Variants in FBXO34 observed in about 807,000 individuals in gnomAD.
The protein encoded by FBXO34 is F-box only protein 34.
A neutral mutation model predicts 24.5 loss-of-function variants in FBXO34; 12 were observed. The observed-to-expected ratio is 0.49, with a 90% CI of 0.31 to 0.79. FBXO34 has a LOEUF of 0.79. Among genes scored for constraint, FBXO34 ranks in the 30% least tolerant of loss-of-function variants. The probability of loss-of-function intolerance (pLI) is 0.04; values close to 1 mark genes in which losing one functional copy is unlikely to be tolerated. For missense variants in FBXO34, 823 were observed against 857.7 expected, an observed-to-expected ratio of 0.96 and a Z score of 0.51; for synonymous variants, 320 against 311.9, an observed-to-expected ratio of 1.03 and a Z score of -0.27.
chr14:55,372,615 CTCCCT>C (rs1884844506), downstream of FBXO34, among the ~76,000 whole-genome samples: 2 of 151,936 alleles, frequency 1.3e-5, no homozygotes, highest in Admixed American at 1.3e-4. Context: ...CCTTCCCTCC[CTCCCT>C]TCCTTTCTTC....
intron 1 of FBXO34, among the ~76,000 whole-genome samples, chr14:55,273,518 C>T (rs1359364191): frequency 4.6e-5 from 7 of 152,030 alleles, no homozygotes; most frequent in Non-Finnish European, 5.9e-5. Flanking sequence ...TCTAAAGATA[C>T]AATTTTGTAT....
chr14:55,274,632 T>G (rs1881273571), intron 1 of FBXO34, among the ~76,000 whole-genome samples: 1 of 152,240 alleles, frequency 6.6e-6, no homozygotes, highest in African/African-American at 2.4e-5. Flanking sequence ...TTGTAGAAAT[T>G]CCTCAGGATA....
the FBXO34 span, chr14:55,433,799 T>C: frequency 1.5e-6 from 2 of 1,325,878 alleles, no homozygotes; most frequent in African/African-American, 2.9e-5. Context: ...GAGCTGAATA[T>C]GAAAATCTCA....
the FBXO34 span, among the ~76,000 whole-genome samples, chr14:55,405,599 C>G: frequency 6.6e-6 from 1 of 152,240 alleles, no homozygotes; most frequent in Non-Finnish European, 1.5e-5. Context: ...CTAACATGAA[C>G]TGGTAACCAA....
intron 1 of FBXO34, among the ~76,000 whole-genome samples, chr14:55,334,120 T>C (rs968295326): frequency 6.6e-6 from 1 of 152,220 alleles, no homozygotes; most frequent in Non-Finnish European, 1.5e-5. Context: ...AGCCAGAGCC[T>C]GTTGTGCTTT....
At chr14:55,395,405 T>G in the FBXO34 span, among the ~76,000 whole-genome samples, 1 of 152,232 alleles carries the variant, frequency 6.6e-6, no homozygotes, top group Non-Finnish European at 1.5e-5. Flanking sequence ...CAGGCTGGAG[T>G]GCTGTGGCAC....
At chr14:55,327,613 GA>G (rs1040682956) in intron 1 of FBXO34, among the ~76,000 whole-genome samples, 13 of 152,120 alleles carry the variant, frequency 8.5e-5, no homozygotes, top group African/African-American at 3.1e-4. Context: ...ACTAAAATAG[GA>G]AAGATTTTGG....
intron 1 of FBXO34, among the ~76,000 whole-genome samples, chr14:55,328,042 C>T (rs1040314865): frequency 1.3e-4 from 19 of 149,908 alleles, no homozygotes; most frequent in Admixed American, 5.4e-4. Flanking sequence ...CTCCTGCCTC[C>T]GCCTCCCAAG....
chr14:55,381,413 G>A, the FBXO34 span, among the ~76,000 whole-genome samples: 4 of 152,242 alleles, frequency 2.6e-5, no homozygotes, highest in African/African-American at 9.6e-5. Flanking sequence ...GTCTAAACGG[G>A]TTAAATATAC....
chr14:55,344,222 C>T lies in FBXO34; in HGVS notation c.-10-6159C>T, dbSNP rs117848126. 3.9e-3 allele frequency among the ~76,000 whole-genome samples: 598 copies of T among 152,284 alleles called. 4 individuals carry two copies. The highest frequency in any genetic ancestry group is 0.014 in the Middle Eastern group (4 of 294). ...TCATGAACTTTTGACTTCTTGTCCA[C>T]TGTACTTCCTCACAGCAGGGTCACC... On this transcript the variant is annotated intron_variant, in intron 1 of 1. Coordinates refer to ENST00000313833, the MANE Select transcript of FBXO34 (RefSeq NM_017943.4).
chr14:55,439,527 C>T, the FBXO34 span, among the ~76,000 whole-genome samples: 8 of 150,612 alleles, frequency 5.3e-5, no homozygotes, highest in African/African-American at 1.7e-4. Flanking sequence ...TGGTGGCTCA[C>T]GCCTGAAATC....
At chr14:55,372,289 C>T (rs935230047), downstream of FBXO34, among the ~76,000 whole-genome samples, 1 of 141,168 alleles carries the variant, frequency 7.1e-6, no homozygotes, top group African/African-American at 2.5e-5. Context: ...CATATCACCA[C>T]CACTTTCCCA....
intron 1 of FBXO34, among the ~76,000 whole-genome samples, chr14:55,339,791 A>G (rs1294560930): frequency 6.6e-6 from 1 of 152,206 alleles, no homozygotes; most frequent in Non-Finnish European, 1.5e-5. Context: ...TCGTTTCTTT[A>G]CAAGTAGTAA....
chr14:55,403,930 A>T, the FBXO34 span, among the ~76,000 whole-genome samples: 3 of 152,236 alleles, frequency 2.0e-5, no homozygotes, highest in African/African-American at 7.2e-5. Flanking sequence ...TAAATTTAAA[A>T]TTCAAAATAC....
chr14:55,350,017 CT>C (rs1160831069), intron 1 of FBXO34, among the ~76,000 whole-genome samples: 1 of 152,060 alleles, frequency 6.6e-6, no homozygotes, highest in East Asian at 1.9e-4. Flanking sequence ...TCTTTTTATA[CT>C]TTCCTTTCTT....
intron 3 of FBXO34, among the ~76,000 whole-genome samples, chr14:55,360,386 T>C (rs1322025481): frequency 6.6e-6 from 1 of 152,152 alleles, no homozygotes; most frequent in Non-Finnish European, 1.5e-5. Flanking sequence ...AGAAACACTT[T>C]CTTTTGCTCA....
chr14:55,411,569 G>A, the FBXO34 span: 15 of 1,576,572 alleles, frequency 9.5e-6, no homozygotes, highest in Non-Finnish European at 1.0e-5. Context: ...ACACACAGCA[G>A]AAGAAACAAT....
At chr14:55,323,183 TCAAAAAAAAAA>T (rs1566555685) in intron 1 of FBXO34, among the ~76,000 whole-genome samples, 6 of 4,020 alleles carry the variant, frequency 1.5e-3, no homozygotes, top group African/African-American at 5.9e-3. Context: ...AGACTCTGTC[TCAAAAAAAAAA>T]AAAAAAAAAA....
At chr14:55,317,796 G>A (rs1646929032) in intron 1 of FBXO34, among the ~76,000 whole-genome samples, 1 of 152,126 alleles carries the variant, frequency 6.6e-6, no homozygotes, top group African/African-American at 2.4e-5. Flanking sequence ...AGTGGGATCT[G>A]GCATGCACAT....
Sources: gnomAD v4.1 joint callset for allele counts (sites outside exome capture counted in the v4.1 genomes callset) on GRCh38, gnomAD v4.1.1 for gene constraint, MANE v1.5 for transcripts, NCBI Gene and HGNC (gene_info 2026-07-23, HGNC 2026-07-21) for gene names.